LAPTM4B: variants seen among roughly 807,000 people sequenced by gnomAD.
LAPTM4B encodes the protein lysosomal protein transmembrane 4 beta.
In LAPTM4B, 26 loss-of-function variants were observed where a neutral mutation model predicts 28.5. That is an observed-to-expected ratio of 0.91 (90% confidence interval 0.67 to 1.27). LAPTM4B has a LOEUF of 1.27. LAPTM4B is among the 50% of genes most tolerant of loss of function. The probability of loss-of-function intolerance (pLI) is 0.00; values close to 1 mark genes in which losing one functional copy is unlikely to be tolerated. For missense variants in LAPTM4B, 288 were observed against 285.8 expected, an observed-to-expected ratio of 1.01 and a Z score of -0.06; for synonymous variants, 109 against 106.4, an observed-to-expected ratio of 1.02 and a Z score of -0.15.
At chr8:97,811,657 C>T (rs1245990537) in intron 2 of LAPTM4B, among the ~76,000 whole-genome samples, 1 of 152,190 alleles carries the variant, frequency 6.6e-6, no homozygotes, top group Non-Finnish European at 1.5e-5. Flanking sequence ...GGCTGCCTAC[C>T]TGCCCTCTTC....
rs1816203861 is a variant in LAPTM4B, at chr8:97,776,034, C to T, written c.25C>T (p.Arg9Trp). Residue 9 changes from arginine to tryptophan, a missense_variant, in exon 1 of 7, where the codon CGG becomes TGG. Coordinates refer to ENST00000521545, the MANE Select transcript of LAPTM4B (RefSeq NM_018407.6). MKMVAPWTRFYSNSCCLCC... is the reference protein window; with the variant it reads MKMVAPWTWFYSNSCCLCC... ...GATGAAGATGGTCGCGCCCTGGACG[C>T]GGTTCTACTCCAACAGCTGCTGCTT... 6.3e-7 allele frequency: 1 copy of T among 1,581,318 alleles called. No individual in the cohort carries two copies. The highest frequency in any genetic ancestry group is 8.6e-7 in the Non-Finnish European group (1 of 1,167,864).
intron 2 of LAPTM4B, among the ~76,000 whole-genome samples, chr8:97,810,125 T>C (rs1037967379): frequency 4.4e-4 from 67 of 152,078 alleles, no homozygotes; most frequent in African/African-American, 1.5e-3. Context: ...TTTTGTCATG[T>C]TGCCCAGGCT....
At chr8:97,792,706 A>G (rs895922813) in intron 1 of LAPTM4B, among the ~76,000 whole-genome samples, 4 of 151,992 alleles carry the variant, frequency 2.6e-5, no homozygotes, top group South Asian at 2.1e-4. Context: ...CAGCCTCCCA[A>G]GTAGCTGGGA....
At chr8:97,796,020 GC>G (rs1383400487) in intron 1 of LAPTM4B, among the ~76,000 whole-genome samples, 2 of 147,708 alleles carry the variant, frequency 1.4e-5, no homozygotes, top group East Asian at 3.9e-4. Flanking sequence ...GCTTACCGCA[GC>G]CTCAACCTCC....
chr8:97,817,395 C>T (rs1375079253), intron 4 of LAPTM4B, among the ~76,000 whole-genome samples: 1 of 151,342 alleles, frequency 6.6e-6, no homozygotes, highest in Non-Finnish European at 1.5e-5. Context: ...GCCTTGGCCT[C>T]CCAAAGTGCT....
intron 1 of LAPTM4B, among the ~76,000 whole-genome samples, chr8:97,800,621 G>A (rs548297516): frequency 6.6e-6 from 1 of 150,518 alleles, no homozygotes. Context: ...CTCAGCTTCC[G>A]GAGTAGCTGG....
chr8:97,851,690 T>C lies in LAPTM4B; in HGVS notation c.*216T>C, dbSNP rs747277786. ...TAACTGTAGAATTCTTCCTGTACGATTGGGGATATAATGGGCTTCACTAAC... is the reference window on the plus strand; with the variant it reads ...TAACTGTAGAATTCTTCCTGTACGACTGGGGATATAATGGGCTTCACTAAC... On this transcript the variant is annotated 3_prime_UTR_variant, in exon 7 of 7. Transcript: ENST00000521545. 10 of 581,162 alleles carry C rather than the reference T, an allele frequency of 1.7e-5. No homozygotes were observed. The highest frequency in any genetic ancestry group is 4.6e-4 in the Middle Eastern group (1 of 2,186). 36.0% of individuals were successfully genotyped at this position (581,162 alleles called of 1,614,324 possible).
At chr8:97,778,771 GAAAAT>G (rs1345909537) in intron 1 of LAPTM4B, among the ~76,000 whole-genome samples, 1 of 151,772 alleles carries the variant, frequency 6.6e-6, no homozygotes, top group Non-Finnish European at 1.5e-5. Flanking sequence ...AAGTATAAAA[GAAAAT>G]CTAGCCCCTT....
intron 6 of LAPTM4B, among the ~76,000 whole-genome samples, chr8:97,825,416 G>A (rs1479887278): frequency 6.6e-6 from 1 of 152,182 alleles, no homozygotes; most frequent in Non-Finnish European, 1.5e-5. Context: ...GATAATATAT[G>A]TACCTTACTG....
intron 4 of LAPTM4B, among the ~76,000 whole-genome samples, chr8:97,817,592 G>A (rs533394714): frequency 5.6e-4 from 85 of 151,536 alleles, no homozygotes; most frequent in Middle Eastern, 6.9e-3. Flanking sequence ...GGGATTACAG[G>A]CACCCGCTAC....
intron 1 of LAPTM4B, among the ~76,000 whole-genome samples, chr8:97,791,097 G>A (rs1383737600): frequency 6.6e-6 from 1 of 152,046 alleles, no homozygotes; most frequent in Admixed American, 6.6e-5. Context: ...GTAGAAACAG[G>A]GTCTTGCTTG....
intron 6 of LAPTM4B, among the ~76,000 whole-genome samples, chr8:97,840,483 G>T (rs368731138): frequency 1.3e-5 from 2 of 152,058 alleles, no homozygotes; most frequent in East Asian, 1.9e-4. Flanking sequence ...CCTTGCTCTA[G>T]GTGAGAGGAG....
intron 1 of LAPTM4B, among the ~76,000 whole-genome samples, chr8:97,781,981 CTTT>C (rs140423500): frequency 3.6e-5 from 5 of 140,294 alleles, no homozygotes; most frequent in Non-Finnish European, 6.2e-5. Flanking sequence ...ACTTTGGGGA[CTTT>C]TTTTTTTTTT....
chr8:97,816,295 T>G, intron 4 of LAPTM4B, 115 bp downstream of exon 4: 1 of 1,055,544 alleles, frequency 9.5e-7, no homozygotes, highest in South Asian at 1.8e-5. Context: ...AGCTTGCAGC[T>G]GAGTTACTCA....
At chr8:97,828,017 T>C (rs1817120129) in intron 6 of LAPTM4B, among the ~76,000 whole-genome samples, 2 of 152,194 alleles carry the variant, frequency 1.3e-5, no homozygotes, top group African/African-American at 2.4e-5. Context: ...GTTTTCCTGT[T>C]GTCCTAGACT....
At chr8:97,816,669 T>C (rs181310539) in intron 4 of LAPTM4B, among the ~76,000 whole-genome samples, 21 of 152,312 alleles carry the variant, frequency 1.4e-4, no homozygotes, top group Middle Eastern at 3.4e-3. Context: ...ACCTAAATTA[T>C]AGTCCAGTTA....
At position 97,816,316 on chromosome 8, in the gene LAPTM4B, C is replaced by CTT. The variant is rs1194257373; in HGVS notation, c.408+141_408+142dup. The CTT allele has an allele frequency of 8.6e-4, 623 of 722,832 alleles. 6 individuals carry two copies. Among genetic ancestry groups the CTT allele is most frequent in the Non-Finnish European group, 1.0e-3 (494 of 474,858 alleles). 44.8% of individuals were successfully genotyped at this position (722,832 alleles called of 1,614,324 possible). A position where few individuals can be genotyped will look rare whatever the true frequency, so the allele number is the denominator to read the frequency against. On this transcript the variant is annotated intron_variant, in intron 4 of 6. Coordinates refer to ENST00000521545, the MANE Select transcript of LAPTM4B (RefSeq NM_018407.6). ...CAGCTGAGTTACTCATAGGAAATTT[C>CTT]TTTTTTCTTTTTTTTGAGGTGGAGT...
At chr8:97,800,555 G>A (rs1262147864) in intron 1 of LAPTM4B, among the ~76,000 whole-genome samples, 2 of 126,108 alleles carry the variant, frequency 1.6e-5, no homozygotes, top group Non-Finnish European at 3.1e-5. Context: ...AGAGTGCAAC[G>A]ATGCAATCTC....
chr8:97,823,468 A>G (rs1451537915), intron 5 of LAPTM4B, among the ~76,000 whole-genome samples: 2 of 148,124 alleles, frequency 1.4e-5, no homozygotes, highest in East Asian at 4.0e-4. Context: ...TCCACCTCCC[A>G]GGTTCACTTG....
Sources: gnomAD v4.1 joint callset for allele counts (sites outside exome capture counted in the v4.1 genomes callset) on GRCh38, gnomAD v4.1.1 for gene constraint, MANE v1.5 for transcripts, NCBI Gene and HGNC (gene_info 2026-07-23, HGNC 2026-07-21) for gene names.